The following CSTPP1 variants were observed in gnomAD, a reference collection of about 807,000 sequenced individuals.
CSTPP1 encodes UPF0705 protein C11orf49.
At chr11:47,054,928 ATTTTTTTTTTTT>A in the CSTPP1 span, among the ~76,000 whole-genome samples, 7 of 68,772 alleles carry the variant, frequency 1.0e-4, no homozygotes, top group African/African-American at 2.7e-4. Context: ...ATAAATTTCA[ATTTTTTTTTTTT>A]TTTTTTTTTT....
chr11:47,063,689 G>GAAAA, the CSTPP1 span, among the ~76,000 whole-genome samples: 35 of 152,172 alleles, frequency 2.3e-4, 1 homozygote, highest in Non-Finnish European at 4.7e-4. Flanking sequence ...ATATTCCATT[G>GAAAA]TGTGTATATA....
At chr11:46,963,918 T>C in the CSTPP1 span, among the ~76,000 whole-genome samples, 1 of 152,106 alleles carries the variant, frequency 6.6e-6, no homozygotes, top group Admixed American at 6.5e-5. Context: ...TTAGAAAAGA[T>C]AACTGCTTGA....
the CSTPP1 span, among the ~76,000 whole-genome samples, chr11:47,094,671 AT>A: frequency 6.6e-6 from 1 of 152,224 alleles, no homozygotes; most frequent in East Asian, 1.9e-4. Context: ...TACAAATACA[AT>A]TCAGTTATTT....
the CSTPP1 span, among the ~76,000 whole-genome samples, chr11:47,122,097 T>G: frequency 1.2e-5 from 1 of 86,810 alleles, no homozygotes; most frequent in East Asian, 2.5e-4. Flanking sequence ...AAAAAATATA[T>G]ATATATATAT....
chr11:46,974,421 G>A, the CSTPP1 span, among the ~76,000 whole-genome samples: 1 of 151,586 alleles, frequency 6.6e-6, no homozygotes, highest in Admixed American at 6.6e-5. Flanking sequence ...CCAGCTACTT[G>A]GGAGGCTGAG....
At chr11:47,161,278 G>C in the CSTPP1 span, 1 of 1,608,746 alleles carries the variant, frequency 6.2e-7, no homozygotes, top group African/African-American at 1.3e-5. Flanking sequence ...AACACCACTT[G>C]TCTGTAACAT....
the CSTPP1 span, among the ~76,000 whole-genome samples, chr11:47,145,738 T>G: frequency 6.6e-6 from 1 of 152,186 alleles, no homozygotes; most frequent in Non-Finnish European, 1.5e-5. Context: ...CTCAAGTGAT[T>G]TTCCCACCTC....
At chr11:47,134,685 G>A in the CSTPP1 span, among the ~76,000 whole-genome samples, 1 of 152,158 alleles carries the variant, frequency 6.6e-6, no homozygotes, top group Non-Finnish European at 1.5e-5. Flanking sequence ...TAGGGGGACT[G>A]CTACCTTGTT....
At chr11:47,164,376 C>T in the CSTPP1 span, 2 of 1,150,612 alleles carry the variant, frequency 1.7e-6, no homozygotes, top group Non-Finnish European at 2.4e-6. Context: ...ACAAACAGTC[C>T]AGAAAGAAAG....
the CSTPP1 span, among the ~76,000 whole-genome samples, chr11:46,965,900 G>A: frequency 3.3e-5 from 5 of 152,244 alleles, no homozygotes; most frequent in East Asian, 1.9e-4. Context: ...TGTGCACTAC[G>A]AAAGGACATT....
At chr11:47,158,049 G>A in the CSTPP1 span, 7 of 806,094 alleles carry the variant, frequency 8.7e-6, no homozygotes, top group East Asian at 2.5e-5. Context: ...TCCCAGGGCC[G>A]GACTCAATCC....
At chr11:47,024,119 T>G in the CSTPP1 span, among the ~76,000 whole-genome samples, 1 of 151,966 alleles carries the variant, frequency 6.6e-6, no homozygotes, top group African/African-American at 2.4e-5. Context: ...TGGAATGCAG[T>G]GGCATGAACA....
At chr11:47,035,862 G>GA in the CSTPP1 span, among the ~76,000 whole-genome samples, 3 of 149,742 alleles carry the variant, frequency 2.0e-5, no homozygotes, top group Non-Finnish European at 3.0e-5. Flanking sequence ...TATATTTATT[G>GA]AAAAAAAATC....
the CSTPP1 span, among the ~76,000 whole-genome samples, chr11:46,964,093 A>T: frequency 1.3e-5 from 2 of 152,130 alleles, no homozygotes; most frequent in Non-Finnish European, 1.5e-5. Flanking sequence ...TATTTCTATC[A>T]GAGCTATCTT....
At chr11:47,103,322 C>A in the CSTPP1 span, among the ~76,000 whole-genome samples, 1 of 151,580 alleles carries the variant, frequency 6.6e-6, no homozygotes, top group South Asian at 2.1e-4. Context: ...ATTGCTTGAG[C>A]CTGGGAGGTG....
the CSTPP1 span, among the ~76,000 whole-genome samples, chr11:46,976,592 G>C: frequency 6.6e-6 from 1 of 152,182 alleles, no homozygotes; most frequent in African/African-American, 2.4e-5. Context: ...TTAAATGGTG[G>C]TTGTGAAAAT....
the CSTPP1 span, chr11:47,157,856 C>T: frequency 6.2e-7 from 1 of 1,614,160 alleles, no homozygotes. Flanking sequence ...CAGCAATGTT[C>T]AGAGACTGAC....
the CSTPP1 span, among the ~76,000 whole-genome samples, chr11:47,107,092 G>A: frequency 6.6e-6 from 1 of 152,218 alleles, no homozygotes; most frequent in Non-Finnish European, 1.5e-5. Context: ...GAGGGGCTGA[G>A]CTGTGTAGTG....
At chr11:46,939,866 G>GT in the CSTPP1 span, among the ~76,000 whole-genome samples, 1 of 151,872 alleles carries the variant, frequency 6.6e-6, no homozygotes, top group African/African-American at 2.4e-5. Flanking sequence ...CGTTTCTTTT[G>GT]TTTTTTCTTT....
Sources: allele counts gnomAD v4.1 joint callset (sites outside exome capture counted in the v4.1 genomes callset), GRCh38; gene constraint gnomAD v4.1.1; transcripts MANE v1.5; gene names NCBI Gene and HGNC (gene_info 2026-07-23, HGNC 2026-07-21).